VTA1: variants seen among roughly 807,000 people sequenced by gnomAD.
The protein encoded by VTA1 is vacuolar protein sorting-associated protein VTA1 homolog.
Under a neutral mutation model 36.9 loss-of-function variants are expected in VTA1, and 24 were observed. That is an observed-to-expected ratio of 0.65 (90% confidence interval 0.47 to 0.91). VTA1 has a LOEUF of 0.91. Among genes scored for constraint, VTA1 ranks in the 40% least tolerant of loss-of-function variants. The pLI is 0.00. For synonymous variants in VTA1, 142 were observed against 130.2 expected (o/e 1.09, Z -0.62); for missense variants, 393 against 377.2 (o/e 1.04, Z -0.35).
rs1312680200 is a variant in VTA1, at chr6:142,219,196, C to A, written c.*553C>A. On this transcript the variant is annotated 3_prime_UTR_variant, in exon 8 of 8. Transcript: ENST00000367630. ...ATTTATTCTCATATTAAATATAACT[C>A]CATTAAAAGTTTAAAATTTCATGGG... The A allele has an allele frequency of 6.6e-6, 1 of 152,074 alleles. No homozygotes were observed. Among genetic ancestry groups the A allele is most frequent in the Non-Finnish European group, 1.5e-5 (1 of 68,000 alleles). 9.4% of individuals were successfully genotyped at this position (152,074 alleles called of 1,614,324 possible). A position where few individuals can be genotyped will look rare whatever the true frequency, so the allele number is the denominator to read the frequency against.
chr6:142,169,631 A>T lies in VTA1; in HGVS notation c.289A>T (p.Met97Leu), dbSNP rs780726616. 82 of 1,609,784 alleles carry T rather than the reference A, an allele frequency of 5.1e-5. No homozygotes were observed. Among genetic ancestry groups the T allele is most frequent in the Non-Finnish European group, 6.7e-5 (79 of 1,179,024 alleles). Residue 97 changes from methionine (M) to leucine (L), a missense_variant, in exon 3 of 8, where the codon ATG becomes TTG. Met to Leu is a conservative substitution (Grantham distance 15). Transcript: ENST00000367630. ...CCATTTGGAGAATTATGCTTTGAAA[A>T]TGTTTTTGTATGCAGACAATGAAGA... ...CAHLENYALK[M>L]FLYADNEDRA... is the part of the protein sequence containing the mutation.
At chr6:142,208,448 A>G (rs145132349) in intron 7 of VTA1, among the ~76,000 whole-genome samples, 2 of 152,322 alleles carry the variant, frequency 1.3e-5, no homozygotes, top group East Asian at 3.9e-4. Context: ...AATCTACCTC[A>G]GAAGACCAAA....
chr6:142,157,529 CAA>C (rs1778684615), intron 1 of VTA1, among the ~76,000 whole-genome samples: 1 of 152,038 alleles, frequency 6.6e-6, no homozygotes, highest in Admixed American at 6.6e-5. Flanking sequence ...TGAGTAATGT[CAA>C]CTCATTTTAC....
chr6:142,174,385 G>A lies in VTA1; in HGVS notation c.411+3964G>A, dbSNP rs371090790. ...GTGGGGCCTATCGTGCCTTTTTTTG[G>A]GCAGTTTCTCCCTTTTAGAATGGGG... On this transcript the variant is annotated intron_variant, in intron 4 of 7. Coordinates refer to ENST00000367630, the MANE Select transcript of VTA1 (RefSeq NM_016485.5). Among the ~76,000 whole-genome samples the A allele has an allele frequency of 5.4e-4, 82 of 151,916 alleles. No homozygotes were observed. In the South Asian group the frequency reaches 0.016, roughly 30 times the overall value.
intron 7 of VTA1, among the ~76,000 whole-genome samples, chr6:142,204,439 T>C (rs1399975056): frequency 6.6e-6 from 1 of 152,156 alleles, no homozygotes; most frequent in Non-Finnish European, 1.5e-5. Context: ...GTTATTAAAT[T>C]ATCTAAAAAG....
intron 1 of VTA1, among the ~76,000 whole-genome samples, chr6:142,165,896 T>C (rs796221363): frequency 2.6e-5 from 4 of 152,266 alleles, no homozygotes; most frequent in African/African-American, 9.6e-5. Context: ...GCAGGTGCTC[T>C]TGTACATATG....
rs1219003586 is a variant in VTA1, at chr6:142,221,827, C to G, written c.*3184C>G. The G allele has an allele frequency of 6.7e-6, 1 of 148,600 alleles. No individual in the cohort carries two copies. Among genetic ancestry groups the G allele is most frequent in the African/African-American group, 2.5e-5 (1 of 40,684 alleles). 9.2% of individuals were successfully genotyped at this position (148,600 alleles called of 1,614,324 possible). On this transcript the variant is annotated 3_prime_UTR_variant, in exon 8 of 8. Transcript: ENST00000367630. ...ATAAATATATAATATATATATTAGC[C>G]TGGCATGGTGGCACATACCTCTAAT...
intron 7 of VTA1, among the ~76,000 whole-genome samples, chr6:142,210,181 CAATA>C (rs1775874901): frequency 1.3e-5 from 2 of 152,066 alleles, no homozygotes; most frequent in African/African-American, 4.8e-5. Context: ...ACAATTTTTT[CAATA>C]AATAGTGCTG....
intron 7 of VTA1, among the ~76,000 whole-genome samples, chr6:142,212,163 G>C (rs1022718265): frequency 6.6e-6 from 1 of 152,142 alleles, no homozygotes; most frequent in African/African-American, 2.4e-5. Context: ...TGTGTCCTTG[G>C]TATTTACCTG....
At chr6:142,189,027 C>G (rs914831943) in intron 4 of VTA1, among the ~76,000 whole-genome samples, 2 of 152,114 alleles carry the variant, frequency 1.3e-5, no homozygotes, top group African/African-American at 4.8e-5. Flanking sequence ...TTGATTTGTA[C>G]AGTTCTGTTT....
chr6:142,200,160 T>C (rs1266634880), intron 6 of VTA1, among the ~76,000 whole-genome samples: 1 of 152,102 alleles, frequency 6.6e-6, no homozygotes, highest in African/African-American at 2.4e-5. Flanking sequence ...GACCTTAATT[T>C]TTCCTCTTTC....
At chr6:142,158,471 A>G (rs1436635980) in intron 1 of VTA1, among the ~76,000 whole-genome samples, 1 of 152,210 alleles carries the variant, frequency 6.6e-6, no homozygotes, top group Non-Finnish European at 1.5e-5. Context: ...CTAAATGAAT[A>G]CATGATCCAT....
chr6:142,201,216 A>G (rs1338684125), intron 6 of VTA1, among the ~76,000 whole-genome samples: 2 of 151,918 alleles, frequency 1.3e-5, no homozygotes, highest in Admixed American at 1.3e-4. Context: ...AAAAAAGTTC[A>G]TAGTTGCCTA....
chr6:142,213,850 A>G (rs114734444), intron 7 of VTA1, among the ~76,000 whole-genome samples: 13 of 152,110 alleles, frequency 8.5e-5, no homozygotes, highest in African/African-American at 3.1e-4. Context: ...TTCCTTCTAG[A>G]TCTCCAACCT....
chr6:142,158,049 C>T (rs1275577406), intron 1 of VTA1, among the ~76,000 whole-genome samples: 2 of 145,786 alleles, frequency 1.4e-5, no homozygotes, highest in East Asian at 4.0e-4. Context: ...AAAAAAGCCT[C>T]CACACTTTTG....
At chr6:142,154,424 G>T (rs1462119234) in intron 1 of VTA1, among the ~76,000 whole-genome samples, 1 of 152,074 alleles carries the variant, frequency 6.6e-6, no homozygotes, top group Non-Finnish European at 1.5e-5. Context: ...TGAATAAAGT[G>T]AATATAATCA....
rs147278756 is a variant in VTA1 at position 142,205,684 on chromosome 6, T to C, written c.778+1619T>C. ...GAAAGCAATTGCTCCAAAATTAGAA[T>C]AGGAAATTGGAGAACTCCCCTCCTT... is the stretch of plus-strand genomic sequence containing the variant. On this transcript the variant is annotated intron_variant, in intron 7 of 7. Transcript: ENST00000367630. Among the ~76,000 whole-genome samples the C allele has an allele frequency of 4.3e-4, 66 of 152,206 alleles. 1 individual carries two copies. The highest frequency in any genetic ancestry group is 1.5e-3 in the African/African-American group (64 of 41,544).
intron 1 of VTA1, among the ~76,000 whole-genome samples, chr6:142,163,509 A>T (rs1279917025): frequency 1.3e-5 from 2 of 152,168 alleles, no homozygotes; most frequent in Non-Finnish European, 2.9e-5. Flanking sequence ...GCAGCTTGCC[A>T]GTCCTAAAGA....
chr6:142,152,520 C>T (rs1199790728), intron 1 of VTA1, among the ~76,000 whole-genome samples: 1 of 152,032 alleles, frequency 6.6e-6, no homozygotes, highest in Non-Finnish European at 1.5e-5. Flanking sequence ...ATAGTCTACT[C>T]TTCCTCATTA....
Sources: gnomAD v4.1 joint callset for allele counts (sites outside exome capture counted in the v4.1 genomes callset) on GRCh38, gnomAD v4.1.1 for gene constraint, MANE v1.5 for transcripts, NCBI Gene and HGNC (gene_info 2026-07-23, HGNC 2026-07-21) for gene names.